Variants in HECW1 observed in about 807,000 individuals in gnomAD.
The protein encoded by HECW1 is HECT, C2 and WW domain containing E3 ubiquitin protein ligase 1, also known as E3 ubiquitin-protein ligase HECW1.
In HECW1, 61 loss-of-function variants were observed where a neutral mutation model predicts 182.3. The observed-to-expected ratio is 0.33, with a 90% confidence interval of 0.27 to 0.41. HECW1 has a LOEUF of 0.41. Ranked by LOEUF, HECW1 falls within the 10% of genes least tolerant of loss-of-function variation. HECW1 has a pLI of 1.00. For synonymous variants in HECW1, 859 were observed against 832.6 expected, an observed-to-expected ratio of 1.03 and a Z score of -0.55; for missense variants, 1,739 against 2,108.9, an observed-to-expected ratio of 0.82 and a Z score of 3.44.
intron 6 of HECW1, among the ~76,000 whole-genome samples, chr7:43,375,443 C>T (rs572969989): frequency 2.0e-5 from 3 of 152,086 alleles, no homozygotes; most frequent in South Asian, 2.1e-4. Context: ...TGGCAGAAAC[C>T]GGTAGTGAAT....
At position 43,274,627 on chromosome 7, in the gene HECW1, C is replaced by T. The variant is rs146564951; in HGVS notation, c.27+30695C>T. 133 of 370,898 alleles carry T rather than the reference C, an allele frequency of 3.6e-4. 1 individual carries two copies. The East Asian group carries it at 7.3e-3, about 20-fold the overall frequency. The allele number at this position is 370,898 out of a possible 1,614,324, so 23.0% of individuals were successfully genotyped here. A position where few individuals can be genotyped will look rare whatever the true frequency, so the allele number is the denominator to read the frequency against. On this transcript the variant is annotated intron_variant, in intron 3 of 29. Coordinates refer to ENST00000395891, the MANE Select transcript of HECW1 (RefSeq NM_015052.5). ...GGTGTGCCCCAAATAAACTCAGGAA[C>T]GCCCCGGGGGAGGGAGGGAGAGAGA...
chr7:43,507,804 C>T (rs986703997), intron 22 of HECW1, among the ~76,000 whole-genome samples: 7 of 152,162 alleles, frequency 4.6e-5, no homozygotes, highest in Admixed American at 1.3e-4. Flanking sequence ...ATGGAATGCA[C>T]GAGAAGTGTA....
chr7:43,190,086 T>G (rs6463176), intron 2 of HECW1, among the ~76,000 whole-genome samples: 17,594 of 151,780 alleles, frequency 0.12, 1,168 homozygotes, highest in African/African-American at 0.16. Flanking sequence ...TGTGGAAATT[T>G]TTGTTGTTGT....
intron 2 of HECW1, among the ~76,000 whole-genome samples, chr7:43,158,628 G>A (rs1790154718): frequency 1.3e-5 from 2 of 152,130 alleles, no homozygotes; most frequent in East Asian, 1.9e-4. Context: ...CCTTTACAAT[G>A]AGGGCATGTG....
chr7:43,341,392 T>C lies in HECW1; in HGVS notation c.461-19494T>C, dbSNP rs117869056. Among the ~76,000 whole-genome samples the C allele has an allele frequency of 3.4e-3, 514 of 151,898 alleles. 7 individuals carry two copies. Among genetic ancestry groups the C allele is most frequent in the Middle Eastern group, 0.01 (3 of 292 alleles). ...ACATATTGGTTCGTTTTGGTCACTTTTGCTATGCTATCGTATTTAAAGACA... is the reference window on the plus strand; with the variant it reads ...ACATATTGGTTCGTTTTGGTCACTTCTGCTATGCTATCGTATTTAAAGACA... On this transcript the variant is annotated intron_variant, in intron 5 of 29. Coordinates refer to ENST00000395891, the MANE Select transcript of HECW1 (RefSeq NM_015052.5).
intron 3 of HECW1, among the ~76,000 whole-genome samples, chr7:43,294,369 G>A (rs958503708): frequency 6.6e-6 from 1 of 152,212 alleles, no homozygotes; most frequent in Non-Finnish European, 1.5e-5. Flanking sequence ...GTTCCCATGG[G>A]GGGAGGGGGG....
chr7:43,422,539 A>G (rs999693290), intron 8 of HECW1, among the ~76,000 whole-genome samples: 3 of 151,352 alleles, frequency 2.0e-5, no homozygotes, highest in Non-Finnish European at 4.4e-5. Context: ...ATTTTTTTGT[A>G]TTTTTAGTAG....
intron 12 of HECW1, among the ~76,000 whole-genome samples, chr7:43,454,057 C>T (rs1311255913): frequency 1.3e-5 from 2 of 152,178 alleles, no homozygotes; most frequent in Non-Finnish European, 2.9e-5. Context: ...TGGCTTACTA[C>T]ACTTTTCCAT....
intron 5 of HECW1, among the ~76,000 whole-genome samples, chr7:43,346,136 C>G (rs1813652205): frequency 6.6e-6 from 1 of 152,128 alleles, no homozygotes; most frequent in Non-Finnish European, 1.5e-5. Flanking sequence ...TCCCTGTTCA[C>G]CACATCCACG....
chr7:43,553,503 T>TA (rs1415903729), intron 28 of HECW1, among the ~76,000 whole-genome samples: 1 of 151,432 alleles, frequency 6.6e-6, no homozygotes, highest in Non-Finnish European at 1.5e-5. Flanking sequence ...ACCCTGCCTC[T>TA]AAAAAAAATA....
chr7:43,382,060 T>C (rs527906777), intron 6 of HECW1, among the ~76,000 whole-genome samples: 1 of 152,162 alleles, frequency 6.6e-6, no homozygotes, highest in East Asian at 1.9e-4. Flanking sequence ...CCAAGGCAGA[T>C]GGATCACGAG....
intron 7 of HECW1, among the ~76,000 whole-genome samples, chr7:43,406,640 G>C (rs1335790266): frequency 6.6e-6 from 1 of 152,066 alleles, no homozygotes; most frequent in Non-Finnish European, 1.5e-5. Context: ...TTCCTTGGCT[G>C]GGCACAGTGG....
intron 16 of HECW1, among the ~76,000 whole-genome samples, chr7:43,478,992 C>T (rs1273584108): frequency 7.2e-5 from 11 of 152,132 alleles, no homozygotes; most frequent in Non-Finnish European, 4.4e-5. Flanking sequence ...TGTCCTGTTC[C>T]CCATTTAGAT....
intron 2 of HECW1, among the ~76,000 whole-genome samples, chr7:43,221,812 T>G (rs1306233377): frequency 6.6e-6 from 1 of 152,086 alleles, no homozygotes; most frequent in Non-Finnish European, 1.5e-5. Flanking sequence ...CCCAAAGTGC[T>G]GGGATTACAG....
At chr7:43,473,160 C>T (rs536771070) in intron 16 of HECW1, among the ~76,000 whole-genome samples, 5 of 152,216 alleles carry the variant, frequency 3.3e-5, no homozygotes, top group South Asian at 2.1e-4. Flanking sequence ...CCTCTACCCC[C>T]ACTCTGTCTG....
chr7:43,151,461 G>A (rs1450810779), intron 2 of HECW1, among the ~76,000 whole-genome samples: 1 of 152,200 alleles, frequency 6.6e-6, no homozygotes, highest in Non-Finnish European at 1.5e-5. Flanking sequence ...AAGATGTGAA[G>A]TGTTTGGGAA....
chr7:43,456,002 A>C (rs1363852109), intron 12 of HECW1, among the ~76,000 whole-genome samples: 1 of 152,186 alleles, frequency 6.6e-6, no homozygotes, highest in Non-Finnish European at 1.5e-5. Context: ...CTCTGTCTCA[A>C]AAAGAAAAAA....
intron 5 of HECW1, among the ~76,000 whole-genome samples, chr7:43,325,117 C>T (rs1203646424): frequency 1.3e-5 from 2 of 152,254 alleles, no homozygotes; most frequent in African/African-American, 4.8e-5. Context: ...AAAATAAAGC[C>T]TGAATCATTT....
At chr7:43,288,464 C>T (rs563450840) in intron 3 of HECW1, among the ~76,000 whole-genome samples, 7 of 152,244 alleles carry the variant, frequency 4.6e-5, no homozygotes, top group South Asian at 2.1e-4. Context: ...AGAAAATGTG[C>T]ACTGTGTTTG....
Sources: gnomAD v4.1 joint callset for allele counts (sites outside exome capture counted in the v4.1 genomes callset) on GRCh38, gnomAD v4.1.1 for gene constraint, MANE v1.5 for transcripts, NCBI Gene and HGNC (gene_info 2026-07-23, HGNC 2026-07-21) for gene names.